The following MKNK2 variants were observed in gnomAD, a reference collection of about 807,000 sequenced individuals.
MKNK2 encodes MAP kinase-interacting serine/threonine-protein kinase 2.
A neutral mutation model predicts 55.0 loss-of-function variants in MKNK2; 54 were observed. The ratio of observed to expected loss-of-function variants is 0.98; its 90% CI spans 0.79 to 1.23. The LOEUF (loss-of-function observed/expected upper bound fraction) is 1.23, where lower values mean the gene tolerates loss of function less well. Ranked by LOEUF, MKNK2 falls within the 50% of genes most tolerant of loss-of-function variation. The pLI, the probability that MKNK2 is intolerant of heterozygous loss-of-function variation, is 0.00. For synonymous variants in MKNK2, 323 were observed against 256.0 expected (o/e 1.26, Z -2.50); for missense variants, 685 against 632.1 (o/e 1.08, Z -0.90).
At position 2,037,858 on chromosome 19, in the gene MKNK2, A is replaced by T; in HGVS notation, c.*1755T>A. 6.4e-7 allele frequency: 1 copy of T among 1,571,198 alleles called. No homozygotes were observed. The highest frequency in any genetic ancestry group is 1.8e-5 in the Admixed American group (1 of 55,474). On this transcript the variant is annotated 3_prime_UTR_variant, in exon 14 of 14. Transcript: ENST00000250896. ...CAGAAAAAAAAAAAAAAACAAACAA[A>T]CAAACGCTGCTAGCCACTCAGCTTT...
rs2016892436 is a variant in MKNK2 at position 2,041,888 on chromosome 19, A to T, written c.897T>A (p.Cys299Ter). The change falls in exon 11 of 14, where the codon TGT becomes TGA. Residue 299 changes from cysteine to a stop codon, truncating the protein, a stop_gained. Transcript: ENST00000250896. LOFTEE classifies it high-confidence loss of function. Reference sequence around the variant, plus strand: ...CGCGGTCCCAGCCGCAGTCGCTGCCACAGCGGCCCACGAAGGGCGGGTAGC... The same window carrying T: ...CGCGGTCCCAGCCGCAGTCGCTGCCTCAGCGGCCCACGAAGGGCGGGTAGC... ...LSGYPPFVGR[C>*]GSDCGWDRGE... The T allele has an allele frequency of 6.5e-7, 1 of 1,543,804 alleles. No homozygotes were observed. The highest frequency in any genetic ancestry group is 8.7e-7 in the Non-Finnish European group (1 of 1,144,056).
chr19:2,046,437 C>A lies in MKNK2; in HGVS notation c.171G>T (p.Pro57=), dbSNP rs150650662. The A allele has an allele frequency of 3.1e-4, 503 of 1,609,326 alleles. 4 individuals carry two copies. Among genetic ancestry groups the A allele is most frequent in the Admixed American group, 4.2e-4 (25 of 59,988 alleles). ...TCTTCTTGCCCCTCTTCTTGGCGTC[C>A]GGGATGTCAATGGGCTGGCTGGCGG... ...DMPASQPIDI[P]DAKKRGKKKK... The change falls in exon 4 of 14, where the codon CCG becomes CCT. Residue 57 remains proline (P), a synonymous_variant. Transcript: ENST00000250896.
Position 2,051,239 on chromosome 19 carries a change from G to A in MKNK2, c.-240C>T, listed in dbSNP as rs1203322640. The stretch of plus-strand genomic sequence containing the variant: ...CTACCTGGGCCACCGCCGCTGAGAG[G>A]AGCCGGGCGCGTCGCCGCCGCCGCC... On this transcript the variant is annotated 5_prime_UTR_variant, in exon 1 of 14. Transcript: ENST00000250896. 8.3e-5 allele frequency: 12 copies of A among 144,522 alleles called. No individual in the cohort carries two copies. Among genetic ancestry groups the A allele is most frequent in the Non-Finnish European group, 1.6e-4 (11 of 67,966 alleles). The allele number at this position is 144,522 out of a possible 1,614,324, so 9.0% of individuals were successfully genotyped here.
At chr19:2,050,130 A>G (rs545654316) in intron 2 of MKNK2, among the ~76,000 whole-genome samples, 2 of 152,210 alleles carry the variant, frequency 1.3e-5, no homozygotes, top group Admixed American at 6.5e-5. Context: ...TTCCCCCCCA[A>G]GATTTGCTCA....
Position 2,038,907 on chromosome 19 carries a change from A to G in MKNK2, c.*706T>C. The G allele has an allele frequency of 1.0e-6, 1 of 985,488 alleles. No homozygotes were observed. The highest frequency in any genetic ancestry group is 4.7e-5 in the South Asian group (1 of 21,290). 61.0% of individuals were successfully genotyped at this position (985,488 alleles called of 1,614,324 possible). ...AGCTGCAGTTTAAGGTCAAGGTCGG[A>G]GGCCGAATCTGGCCACCAGGAGTCC... On this transcript the variant is annotated 3_prime_UTR_variant, in exon 14 of 14. Coordinates refer to ENST00000250896, the MANE Select transcript of MKNK2 (RefSeq NM_199054.3).
chr19:2,041,812 GGA>G, intron 11 of MKNK2, 26 bp downstream of exon 11: 1 of 1,490,128 alleles, frequency 6.7e-7, no homozygotes, highest in Non-Finnish European at 8.9e-7. Context: ...AGGGTGCCCA[GGA>G]GAGGAGGGTG....
At chr19:2,043,458 G>A (rs747643908) in intron 6 of MKNK2, 45 bp downstream of exon 6, 2 of 1,569,728 alleles carry the variant, frequency 1.3e-6, no homozygotes, top group Admixed American at 1.7e-5. Context: ...TTCATCCACT[G>A]AAAGACAGCT....
chr19:2,043,392 C>A lies in MKNK2; in HGVS notation c.419+111G>T, dbSNP rs1488799545. 3 of 1,138,268 alleles carry A rather than the reference C, an allele frequency of 2.6e-6. No homozygotes were observed. The Admixed American group carries it at 5.5e-5, about 21-fold the overall frequency. The allele number at this position is 1,138,268 out of a possible 1,614,324, so 70.5% of individuals were successfully genotyped here. A position where few individuals can be genotyped will look rare whatever the true frequency, so the allele number is the denominator to read the frequency against. Reference sequence around the variant, plus strand: ...TGCTTCAGGGAGGGGAATGCAGGGCCTGGGAAACTGGGTGCCCTACAGACG... The same window carrying A: ...TGCTTCAGGGAGGGGAATGCAGGGCATGGGAAACTGGGTGCCCTACAGACG... On this transcript the variant is annotated intron_variant, in intron 6 of 13. Coordinates refer to ENST00000250896, the MANE Select transcript of MKNK2 (RefSeq NM_199054.3).
intron 5 of MKNK2, among the ~76,000 whole-genome samples, chr19:2,044,927 C>G (rs547062039): frequency 6.6e-6 from 1 of 152,156 alleles, no homozygotes; most frequent in African/African-American, 2.4e-5. Flanking sequence ...AGCAGCCTCA[C>G]GGCACCAGGT....
rs1332635787 is a variant in MKNK2 at position 2,048,304 on chromosome 19, T to C, written c.52-1613A>G. On this transcript the variant is annotated intron_variant, in intron 2 of 13. Transcript: ENST00000250896. ...CCAGGGTGCAAGGAACAGTGCAGATTAGAGTAGGCTTTGCCCAGCCCCCGT... is the reference window on the plus strand; with the variant it reads ...CCAGGGTGCAAGGAACAGTGCAGATCAGAGTAGGCTTTGCCCAGCCCCCGT... Among the ~76,000 whole-genome samples the C allele has an allele frequency of 2.0e-5, 3 of 152,138 alleles. No individual in the cohort carries two copies. The East Asian group carries it at 5.8e-4, about 29-fold the overall frequency.
At position 2,039,115 on chromosome 19, in the gene MKNK2, C is replaced by G. The variant is rs913796674; in HGVS notation, c.*498G>C. 1 of 988,374 alleles carries G rather than the reference C, an allele frequency of 1.0e-6. No homozygotes were observed. The highest frequency in any genetic ancestry group is 1.7e-5 in the African/African-American group (1 of 57,310). The allele number at this position is 988,374 out of a possible 1,614,324, so 61.2% of individuals were successfully genotyped here. A position where few individuals can be genotyped will look rare whatever the true frequency, so the allele number is the denominator to read the frequency against. On this transcript the variant is annotated 3_prime_UTR_variant, in exon 14 of 14. Coordinates refer to ENST00000250896, the MANE Select transcript of MKNK2 (RefSeq NM_199054.3). ...CCCCAACCAAGCCACCAGGGGTGCT[C>G]TCAGGGTGAGGGATAGAGGGGAAGA...
chr19:2,043,437 C>A (rs974977837), intron 6 of MKNK2, 66 bp downstream of exon 6: 2 of 1,438,942 alleles, frequency 1.4e-6, no homozygotes, highest in Non-Finnish European at 2.0e-6. Flanking sequence ...GGTGATGTGG[C>A]ACTCAGGCCC....
rs1344340403 is a variant in MKNK2, at chr19:2,039,487, A to G, written c.*126T>C. 7.0e-6 allele frequency: 10 copies of G among 1,427,864 alleles called. No homozygotes were observed. The highest frequency in any genetic ancestry group is 9.2e-6 in the Non-Finnish European group (10 of 1,091,348). The allele number at this position is 1,427,864 out of a possible 1,614,324, so 88.4% of individuals were successfully genotyped here. On this transcript the variant is annotated 3_prime_UTR_variant, in exon 14 of 14. Transcript: ENST00000250896. ...TTCTATAAAACACCCCCCTCAGCTG[A>G]GCTTAGTGCCTGGGAATCCAGGCAG... is the stretch of plus-strand genomic sequence containing the variant.
chr19:2,042,851 G>T lies in MKNK2; in HGVS notation c.513C>A (p.Ile171=), dbSNP rs918260900. Residue 171 remains isoleucine (I), a synonymous_variant, in exon 8 of 14, where the codon ATC becomes ATA. Coordinates refer to ENST00000250896, the MANE Select transcript of MKNK2 (RefSeq NM_199054.3). ...GCTCGTTGAAGTGCCGGCGCTTGTG[G>T]ATGTGGCTCAGGATGGAGCCTGGGC... ...KMRGGSILSH[I]HKRRHFNELE... is the part of the protein sequence containing the mutation. The T allele has an allele frequency of 2.5e-6, 4 of 1,571,874 alleles. No individual in the cohort carries two copies. Among genetic ancestry groups the T allele is most frequent in the African/African-American group, 2.7e-5 (2 of 73,896 alleles).
intron 2 of MKNK2, among the ~76,000 whole-genome samples, chr19:2,048,043 C>T (rs1009391577): frequency 1.3e-5 from 2 of 150,598 alleles, no homozygotes; most frequent in African/African-American, 4.9e-5. Flanking sequence ...TGGGGGCTCA[C>T]GGGAGAGGCA....
At chr19:2,048,479 C>T (rs1350551683) in intron 2 of MKNK2, among the ~76,000 whole-genome samples, 1 of 152,146 alleles carries the variant, frequency 6.6e-6, no homozygotes, top group East Asian at 1.9e-4. Context: ...CTCAGCTTCA[C>T]CCGTCTGGGT....
intron 5 of MKNK2, among the ~76,000 whole-genome samples, chr19:2,045,509 G>A (rs2016977391): frequency 6.6e-6 from 1 of 152,066 alleles, no homozygotes; most frequent in Non-Finnish European, 1.5e-5. Context: ...TCCCCAGGTT[G>A]GCCACCCCTC....
rs1352895283 is a variant in MKNK2 at position 2,041,995 on chromosome 19, C to A, written c.790G>T (p.Ala264Ser). 1.3e-6 allele frequency: 2 copies of A among 1,552,430 alleles called. No homozygotes were observed. Residue 264 changes from alanine to serine, a missense_variant, in exon 11 of 14, where the codon GCC becomes TCC. Ala to Ser is a moderately conservative substitution (Grantham distance 99). Transcript: ENST00000250896. ...TAGATGCTAGCCTCCTCGCTGAAGG[C>A]CTCCACTACCTCCGGGGCCATGTAC... ...AEYMAPEVVE[A>S]FSEEASIYDK...
Position 2,041,850 on chromosome 19 carries a change from G to C in MKNK2, c.935C>G (p.Pro312Arg), listed in dbSNP as rs2016891419. 1.3e-6 allele frequency: 2 copies of C among 1,530,624 alleles called. No homozygotes were observed. Among genetic ancestry groups the C allele is most frequent in the Middle Eastern group, 2.1e-4 (1 of 4,688 alleles). The allele number at this position is 1,530,624 out of a possible 1,614,324, so 94.8% of individuals were successfully genotyped here. The change falls in exon 11 of 14, where the codon CCT becomes CGT. Residue 312 changes from proline (P) to arginine (R), a missense_variant. Coordinates refer to ENST00000250896, the MANE Select transcript of MKNK2 (RefSeq NM_199054.3). The stretch of plus-strand genomic sequence containing the variant: ...CGCGGGCCGCCGCACCTGGCAGGCA[G>C]GGCAGGCCTCGCCGCGGTCCCAGCC... ...DCGWDRGEAC[P>R]ACQNMLFESI...
Sources: gnomAD v4.1 joint callset for allele counts (sites outside exome capture counted in the v4.1 genomes callset) on GRCh38, gnomAD v4.1.1 for gene constraint, MANE v1.5 for transcripts, NCBI Gene and HGNC (gene_info 2026-07-23, HGNC 2026-07-21) for gene names.